Variants in XNDC1N observed in about 807,000 individuals in gnomAD.
XNDC1N encodes the protein XRCC1 N-terminal domain containing 1, N-terminal like.
the XNDC1N span, among the ~76,000 whole-genome samples, chr11:71,879,595 G>A: frequency 3.9e-5 from 6 of 152,070 alleles, no homozygotes; most frequent in Middle Eastern, 6.8e-3. Context: ...ATGAATGTTA[G>A]TGGGTTTTTT....
At chr11:71,892,897 G>A in the XNDC1N span, among the ~76,000 whole-genome samples, 2 of 152,122 alleles carry the variant, frequency 1.3e-5, no homozygotes, top group African/African-American at 2.4e-5. Context: ...AAGAAATGAT[G>A]TCAGAAAACC....
chr11:71,914,219 TA>T, the XNDC1N span: 1 of 451,470 alleles, frequency 2.2e-6, no homozygotes, highest in African/African-American at 2.0e-5. Flanking sequence ...GAAAGTAAAT[TA>T]AAACCTTCTG....
chr11:71,897,840 A>T, the XNDC1N span, among the ~76,000 whole-genome samples: 1 of 152,250 alleles, frequency 6.6e-6, no homozygotes, highest in African/African-American at 2.4e-5. Flanking sequence ...TGAATGAAAA[A>T]GCACACTGCA....
At chr11:71,867,458 G>T in the XNDC1N span, among the ~76,000 whole-genome samples, 1 of 152,062 alleles carries the variant, frequency 6.6e-6, no homozygotes. Flanking sequence ...CATAGTCCTG[G>T]CCATGAACAC....
chr11:71,901,706 A>G, the XNDC1N span, among the ~76,000 whole-genome samples: 1 of 152,024 alleles, frequency 6.6e-6, no homozygotes, highest in Non-Finnish European at 1.5e-5. Context: ...TGAATTTTGA[A>G]TACCACACTT....
the XNDC1N span, among the ~76,000 whole-genome samples, chr11:71,895,484 T>G: frequency 6.9e-6 from 1 of 145,398 alleles, no homozygotes; most frequent in African/African-American, 2.6e-5. Flanking sequence ...TATTTTTTTT[T>G]TTTTTTTTTT....
chr11:71,866,180 T>C, the XNDC1N span, among the ~76,000 whole-genome samples: 2 of 150,406 alleles, frequency 1.3e-5, no homozygotes, highest in Non-Finnish European at 3.0e-5. Context: ...CTTGTTGTTA[T>C]AAATACCTGA....
chr11:71,908,781 G>C, the XNDC1N span, among the ~76,000 whole-genome samples: 4 of 152,174 alleles, frequency 2.6e-5, no homozygotes, highest in Non-Finnish European at 5.9e-5. Context: ...AAGAAAGGCG[G>C]AGAGTCCTCA....
the XNDC1N span, among the ~76,000 whole-genome samples, chr11:71,908,564 G>C: frequency 2.6e-5 from 4 of 152,208 alleles, no homozygotes; most frequent in Non-Finnish European, 4.4e-5. Context: ...CGATATACTG[G>C]GTTAGATGAG....
the XNDC1N span, among the ~76,000 whole-genome samples, chr11:71,908,059 TATC>T: frequency 3.3e-5 from 5 of 152,200 alleles, no homozygotes; most frequent in Non-Finnish European, 5.9e-5. Context: ...TAGAACGTAA[TATC>T]ATGCTCTCTC....
chr11:71,898,087 G>C, the XNDC1N span, among the ~76,000 whole-genome samples: 1 of 152,142 alleles, frequency 6.6e-6, no homozygotes, highest in Non-Finnish European at 1.5e-5. Flanking sequence ...AAGAGGCTGA[G>C]GCACAAGAAT....
the XNDC1N span, among the ~76,000 whole-genome samples, chr11:71,896,328 T>C: frequency 2.6e-5 from 4 of 152,166 alleles, no homozygotes; most frequent in African/African-American, 9.7e-5. Context: ...ATAAAGATGG[T>C]TAGCAGACGC....
chr11:71,876,321 T>C, the XNDC1N span, among the ~76,000 whole-genome samples: 5 of 152,196 alleles, frequency 3.3e-5, no homozygotes, highest in Admixed American at 6.5e-5. Flanking sequence ...ATTTTCTTCT[T>C]GGTGTTCTTT....
chr11:71,926,135 T>C, the XNDC1N span: 2 of 149,976 alleles, frequency 1.3e-5, no homozygotes, highest in Admixed American at 6.6e-5. Context: ...CCAAATGTGG[T>C]GGCGTGTGCC....
At chr11:71,917,206 A>T in the XNDC1N span, 1 of 536,524 alleles carries the variant, frequency 1.9e-6, no homozygotes, top group Non-Finnish European at 3.4e-6. Context: ...TAGAGATGGG[A>T]TTTCACCATG....
chr11:71,928,593 G>C, the XNDC1N span: 1 of 702,520 alleles, frequency 1.4e-6, no homozygotes, highest in Non-Finnish European at 2.6e-6. Context: ...ACATTTCCGT[G>C]TGTTTTAATA....
the XNDC1N span, among the ~76,000 whole-genome samples, chr11:71,883,192 C>T: frequency 6.6e-6 from 1 of 152,048 alleles, no homozygotes; most frequent in African/African-American, 2.4e-5. Flanking sequence ...AGATTATATA[C>T]AATCCCTATC....
the XNDC1N span, chr11:71,903,055 G>C: frequency 2.0e-6 from 1 of 495,702 alleles, no homozygotes; most frequent in African/African-American, 2.0e-5. Flanking sequence ...GCTGAGTGTG[G>C]ATTGCTCTGA....
At chr11:71,926,107 GA>G in the XNDC1N span, 188 of 138,672 alleles carry the variant, frequency 1.4e-3, no homozygotes, top group African/African-American at 2.3e-3. Context: ...TCCCATCTCT[GA>G]AAAAAAAAAA....
Sources: allele counts gnomAD v4.1 joint callset (sites outside exome capture counted in the v4.1 genomes callset), GRCh38; gene constraint gnomAD v4.1.1; transcripts MANE v1.5; gene names NCBI Gene and HGNC (gene_info 2026-07-23, HGNC 2026-07-21).